MACF1: variants seen among roughly 807,000 people sequenced by gnomAD.
The protein encoded by MACF1 is microtubule-actin cross-linking factor 1.
A neutral mutation model predicts 854.8 loss-of-function variants in MACF1; 193 were observed. The ratio of observed to expected loss-of-function variants is 0.23; its 90% CI spans 0.20 to 0.25. The LOEUF (loss-of-function observed/expected upper bound fraction) is 0.25, where lower values mean the gene tolerates loss of function less well. Among genes scored for constraint, MACF1 ranks in the 10% least tolerant of loss-of-function variants. The pLI, the probability that MACF1 is intolerant of heterozygous loss-of-function variation, is 1.00. For missense variants in MACF1, 7,722 were observed against 8,929.1 expected (o/e 0.86, Z 5.45); for synonymous variants, 3,185 against 3,226.7 (o/e 0.99, Z 0.44).
intron 2 of MACF1, among the ~76,000 whole-genome samples, chr1:39,183,129 C>T (rs186610958): frequency 3.9e-5 from 6 of 152,210 alleles, no homozygotes; most frequent in African/African-American, 1.2e-4. Context: ...CCATTTATAC[C>T]ATTTATACAT....
In MACF1 at chr1:39,105,436, G is replaced by A; in HGVS notation, c.220+20998G>A. On this transcript the variant is annotated intron_variant, in intron 2 of 93. Coordinates refer to the MACF1 transcript ENST00000361689. This position sits in a 1 kb window ranked among gnomAD's most constrained non-coding sequence, Gnocchi z 5.9. ...GGACCGGCGGAGCGCGAGCGGGCCG[G>A]GTGCGAGCGGACTGAGGAGCGGAGC... The A allele has an allele frequency of 1.0e-6, 1 of 993,960 alleles. No homozygotes were observed. The highest frequency in any genetic ancestry group is 1.2e-6 in the Non-Finnish European group (1 of 837,092). The allele number at this position is 993,960 out of a possible 1,614,324, so 61.6% of individuals were successfully genotyped here. A position where few individuals can be genotyped will look rare whatever the true frequency, so the allele number is the denominator to read the frequency against.
In MACF1 at chr1:39,442,772, G is replaced by T; in HGVS notation, c.19163G>T (p.Gly6388Val). The T allele has an allele frequency of 6.8e-6, 11 of 1,614,110 alleles. No individual in the cohort carries two copies. Among genetic ancestry groups the T allele is most frequent in the East Asian group, 2.2e-5 (1 of 44,886 alleles). ...ACAGTGGAAACAGTCAACAAAGCTGGCAATGAGCTTCTTGAATCCAGTGCT... is the reference window on the plus strand; with the variant it reads ...ACAGTGGAAACAGTCAACAAAGCTGTCAATGAGCTTCTTGAATCCAGTGCT... The part of the protein sequence containing the change: ...QATVETVNKA[G>V]NELLESSAGD... The change falls in exon 78 of 101, where the codon GGC (glycine) becomes GTC (valine). Residue 6388 changes from glycine (G) to valine (V), a missense_variant. By Grantham distance (109) the Gly-to-Val change is moderately radical. This residue lies in a region of MACF1 where 729 missense variants were observed against 900.5 expected (regional missense o/e 0.81). Coordinates refer to ENST00000564288, the MANE Select transcript of MACF1 (RefSeq NM_001394062.1).
chr1:39,227,416 C>T (rs1002500795), intron 1 of MACF1, among the ~76,000 whole-genome samples: 1 of 152,138 alleles, frequency 6.6e-6, no homozygotes, highest in Non-Finnish European at 1.5e-5. Context: ...ATCATGTTCT[C>T]TTCAAGGAGT....
chr1:39,173,298 C>T (rs1643977307), intron 2 of MACF1, among the ~76,000 whole-genome samples: 1 of 143,932 alleles, frequency 6.9e-6, no homozygotes, highest in Non-Finnish European at 1.5e-5. Context: ...AGAGATTGCA[C>T]CACTGAACTC....
Position 39,331,551 on chromosome 1 carries a change from CA to C in MACF1, c.4964del (p.His1655ProfsTer35). Reference sequence around the variant, plus strand: ...AGTTGGACTGAAAATCTTAGAAGCTCACCTGGCAACTGGAGGTTTCAGTCTT... The same window carrying C: ...AGTTGGACTGAAAATCTTAGAAGCTCCCTGGCAACTGGAGGTTTCAGTCTT... ...ETVGLKILEA[H>X]LATGGFSLSP... On this transcript the variant is annotated frameshift_variant, in exon 37 of 101. Coordinates refer to ENST00000564288, the MANE Select transcript of MACF1 (RefSeq NM_001394062.1). LOFTEE classifies it high-confidence loss of function. 6.2e-7 allele frequency: 1 copy of C among 1,614,154 alleles called. No individual in the cohort carries two copies.
In MACF1 at chr1:39,333,435, G is replaced by A. The variant is rs754743048; in HGVS notation, c.6847G>A (p.Ala2283Thr). The part of the protein sequence containing the change: ...CSHPLELLEE[A>T]TLNVLSAQLL... Reference sequence around the variant, plus strand: ...TCATCCATTAGAATTGCTTGAAGAAGCTACCTTAAATGTATTATCTGCACA... The same window carrying A: ...TCATCCATTAGAATTGCTTGAAGAAACTACCTTAAATGTATTATCTGCACA... Residue 2283 changes from alanine (A) to threonine (T), a missense_variant, in exon 37 of 101, where the codon GCT (alanine) becomes ACT (threonine). Transcript: ENST00000564288. The A allele has an allele frequency of 2.5e-6, 4 of 1,614,124 alleles. No individual in the cohort carries two copies. Among genetic ancestry groups the A allele is most frequent in the South Asian group, 1.1e-5 (1 of 91,072 alleles).
chr1:39,277,980 A>G (rs749594189), intron 6 of MACF1, among the ~76,000 whole-genome samples: 6 of 152,044 alleles, frequency 3.9e-5, no homozygotes, highest in Non-Finnish European at 7.4e-5. Flanking sequence ...TTATTAGGAA[A>G]ACATTCAGCT....
At chr1:39,343,753 A>G (rs1333370620) in intron 40 of MACF1, among the ~76,000 whole-genome samples, 1 of 152,232 alleles carries the variant, frequency 6.6e-6, no homozygotes, top group Admixed American at 6.5e-5. Flanking sequence ...AGGCGAAAGA[A>G]TTTGACCAAG....
intron 30 of MACF1, 28 bp downstream of exon 30, chr1:39,318,643 A>G (rs768837739): frequency 2.6e-6 from 4 of 1,540,432 alleles, no homozygotes; most frequent in Non-Finnish European, 3.5e-6. Context: ...TCTGGCGAGA[A>G]GAGTTAGAAA....
rs1643106978 is a variant in MACF1 at position 39,413,178 on chromosome 1, A to G, written c.15817-9196A>G. The G allele has an allele frequency of 2.5e-6, 4 of 1,613,486 alleles. No individual in the cohort carries two copies. The East Asian group carries it at 6.7e-5, about 27-fold the overall frequency. On this transcript the variant is annotated intron_variant, in intron 58 of 100. Coordinates refer to ENST00000564288, the MANE Select transcript of MACF1 (RefSeq NM_001394062.1). Reference sequence around the variant, plus strand: ...CCATCACAGAGGAGGATGGTACACCAGAAGGGCCTGTCACCCCAGCTACCA... The same window carrying G: ...CCATCACAGAGGAGGATGGTACACCGGAAGGGCCTGTCACCCCAGCTACCA...
In MACF1 at chr1:39,378,488, CTGTAGGCAG is replaced by C. The variant is rs752424642; in HGVS notation, c.13246_13254del (p.Gly4416_Val4418del). ...TCCATACTGCCCTCTGTAGGAAGCT[CTGTAGGCAG>C]TGTAAACGGATACCACACCTGCAAA... On this transcript the variant is annotated inframe_deletion, in exon 53 of 101. Coordinates refer to ENST00000564288, the MANE Select transcript of MACF1 (RefSeq NM_001394062.1). The C allele has an allele frequency of 6.2e-7, 1 of 1,614,088 alleles. No homozygotes were observed. Among genetic ancestry groups the C allele is most frequent in the South Asian group, 1.1e-5 (1 of 91,068 alleles).
At position 39,340,579 on chromosome 1, in the gene MACF1, C is replaced by T. The variant is rs1413142756; in HGVS notation, c.10293C>T (p.Ser3431=). ...ELECVNQIII[S]QPQEVPAQLL... is the part of the protein sequence containing the mutation. The stretch of plus-strand genomic sequence containing the variant: ...AGTGTGTGAATCAGATTATCATCAG[C>T]CAGCCTCAAGAAGTTCCTGCTCAAC... Residue 3431 remains serine, a synonymous_variant, in exon 39 of 101, where the codon AGC becomes AGT. Coordinates refer to ENST00000564288, the MANE Select transcript of MACF1 (RefSeq NM_001394062.1). The T allele has an allele frequency of 1.9e-6, 3 of 1,614,006 alleles. No homozygotes were observed. Among genetic ancestry groups the T allele is most frequent in the African/African-American group, 1.3e-5 (1 of 74,914 alleles).
intron 61 of MACF1, among the ~76,000 whole-genome samples, chr1:39,424,417 A>T (rs946348599): frequency 6.6e-6 from 1 of 152,182 alleles, no homozygotes; most frequent in African/African-American, 2.4e-5. Flanking sequence ...TGGAAAACTC[A>T]TTGCTCTGTG....
chr1:39,453,761 A>T lies in MACF1; in HGVS notation c.20797A>T (p.Met6933Leu). Residue 6933 changes from methionine to leucine, a missense_variant, in exon 88 of 101, where the codon ATG (methionine) becomes TTG (leucine). Met to Leu is a conservative substitution (Grantham distance 15, BLOSUM62 2). Transcript: ENST00000564288. The part of the protein sequence containing the change: ...KRVDVNSAVA[M>L]GEVILAVCHP... Reference sequence around the variant, plus strand: ...AGTGGACGTTAACTCAGCAGTAGCCATGGGAGAAGTCATCCTGGCTGTCTG... The same window carrying T: ...AGTGGACGTTAACTCAGCAGTAGCCTTGGGAGAAGTCATCCTGGCTGTCTG... 6.2e-7 allele frequency: 1 copy of T among 1,614,192 alleles called. No homozygotes were observed. Among genetic ancestry groups the T allele is most frequent in the Admixed American group, 1.7e-5 (1 of 60,022 alleles).
At chr1:39,131,097 C>A (rs1330687967) in intron 2 of MACF1, among the ~76,000 whole-genome samples, 1 of 151,472 alleles carries the variant, frequency 6.6e-6, no homozygotes, top group Non-Finnish European at 1.5e-5. Flanking sequence ...GGTGAACCAC[C>A]CACCTCAGCC....
chr1:39,347,098 G>A lies in MACF1; in HGVS notation c.10703G>A (p.Arg3568Lys), dbSNP rs373986532. ...CCTCAGCAGAATCGACAGATGCTGA[G>A]GCTTCTGAATGAACTGCAGAGGTCC... is the stretch of plus-strand genomic sequence containing the variant. ...LSPQQNRQML[R>K]LLNELQRSFQ... is the part of the protein sequence containing the mutation. The change falls in exon 41 of 101, where the codon AGG becomes AAG. Residue 3568 changes from arginine (R) to lysine (K), a missense_variant. This residue lies in a region of MACF1 where 854 missense variants were observed against 852.6 expected (regional missense o/e 1.00). Coordinates refer to ENST00000564288, the MANE Select transcript of MACF1 (RefSeq NM_001394062.1). The A allele has an allele frequency of 1.8e-5, 29 of 1,613,682 alleles. No homozygotes were observed. The highest frequency in any genetic ancestry group is 6.7e-5 in the East Asian group (3 of 44,890).
intron 26 of MACF1, among the ~76,000 whole-genome samples, chr1:39,313,909 C>G (rs533065382): frequency 6.6e-6 from 1 of 152,108 alleles, no homozygotes; most frequent in African/African-American, 2.4e-5. Flanking sequence ...GGTCATGATG[C>G]CCATTGAAGT....
intron 57 of MACF1, among the ~76,000 whole-genome samples, chr1:39,386,629 A>C (rs1425163368): frequency 6.6e-6 from 1 of 152,116 alleles, no homozygotes; most frequent in Non-Finnish European, 1.5e-5. Context: ...ACGGTGTTTC[A>C]CCATGTTGGC....
At chr1:39,314,569 TCACACACACACACA>T (rs58459573) in intron 26 of MACF1, among the ~76,000 whole-genome samples, 1 of 65,306 alleles carries the variant, frequency 1.5e-5, no homozygotes, top group East Asian at 4.0e-4. Flanking sequence ...TCTCTCTCTC[TCACACACACACACA>T]CACACACACA....
Sources: allele counts gnomAD v4.1 joint callset (sites outside exome capture counted in the v4.1 genomes callset), GRCh38; gene constraint gnomAD v4.1.1; regional missense constraint gnomAD v4.1.1; non-coding constraint Gnocchi (gnomAD v3.1); transcripts MANE v1.5; gene names NCBI Gene and HGNC (gene_info 2026-07-23, HGNC 2026-07-21).